ZMYM4: variants seen among roughly 807,000 people sequenced by gnomAD.
ZMYM4 encodes zinc finger MYM-type containing 4.
ZMYM4 carries 31 observed loss-of-function variants against 183.2 expected under a neutral mutation model. The ratio of observed to expected loss-of-function variants is 0.17; its 90% CI spans 0.13 to 0.23. The LOEUF is 0.23. Among genes scored for constraint, ZMYM4 ranks in the 10% least tolerant of loss-of-function variants. ZMYM4 has a pLI of 1.00. For missense variants in ZMYM4, 1,273 were observed against 1,840.3 expected (o/e 0.69, Z 5.64); for synonymous variants, 592 against 631.2 (o/e 0.94, Z 0.93).
intron 1 of ZMYM4, among the ~76,000 whole-genome samples, chr1:35,306,774 A>G (rs997625748): frequency 1.3e-5 from 2 of 152,130 alleles, no homozygotes; most frequent in African/African-American, 4.8e-5. Flanking sequence ...AAACTTTCTT[A>G]CCTTTCCCTA....
rs761108094 is a variant in ZMYM4 at position 35,358,931 on chromosome 1, G to A, written c.92G>A (p.Gly31Asp). ...CAGTATTTTACTTTTTAAGGTGGTG[G>A]TATCATGGATACAGAAATGTCTGAA... is the stretch of plus-strand genomic sequence containing the variant. ...VFDEIVENCG[G>D]IMDTEMSEDI... The change falls in exon 3 of 30, where the codon GGT (glycine) becomes GAT (aspartate). Residue 31 changes from glycine (G) to aspartate (D), a missense_variant. Coordinates refer to ENST00000314607, the MANE Select transcript of ZMYM4 (RefSeq NM_005095.3). 6.2e-7 allele frequency: 1 copy of A among 1,609,940 alleles called. No individual in the cohort carries two copies. Among genetic ancestry groups the A allele is most frequent in the African/African-American group, 1.3e-5 (1 of 74,902 alleles).
chr1:35,371,936 A>G (rs1373776219), intron 7 of ZMYM4, among the ~76,000 whole-genome samples: 1 of 152,136 alleles, frequency 6.6e-6, no homozygotes, highest in African/African-American at 2.4e-5. Context: ...TTTCTTTGGA[A>G]TCTCTATTTT....
intron 1 of ZMYM4, among the ~76,000 whole-genome samples, chr1:35,271,496 G>A (rs554274683): frequency 2.0e-5 from 3 of 152,038 alleles, no homozygotes; most frequent in African/African-American, 7.2e-5. Context: ...TCCGCCTCCC[G>A]GGTTCAATTA....
chr1:35,320,039 G>T (rs548659726), intron 1 of ZMYM4, among the ~76,000 whole-genome samples: 60 of 152,298 alleles, frequency 3.9e-4, no homozygotes, highest in Non-Finnish European at 7.6e-4. Context: ...ATATCTTTGG[G>T]CTAGTGTGAT....
At chr1:35,375,362 G>A (rs1464815247) in intron 7 of ZMYM4, among the ~76,000 whole-genome samples, 2 of 152,124 alleles carry the variant, frequency 1.3e-5, no homozygotes, top group African/African-American at 4.8e-5. Flanking sequence ...TTGTAAAATT[G>A]ATGAGTTGGA....
chr1:35,407,897 A>G (rs990480676), intron 25 of ZMYM4, 111 bp from the exon 26 acceptor site: 98 of 1,344,434 alleles, frequency 7.3e-5, no homozygotes, highest in Non-Finnish European at 1.0e-4. Flanking sequence ...TATACCCACT[A>G]GTCTGCACCG....
chr1:35,364,022 G>C (rs953035130), intron 5 of ZMYM4, among the ~76,000 whole-genome samples: 3 of 152,198 alleles, frequency 2.0e-5, no homozygotes, highest in East Asian at 3.8e-4. Context: ...AAGGTTATTA[G>C]TATTGTTGTT....
At chr1:35,293,428 C>T (rs542128558) in intron 1 of ZMYM4, among the ~76,000 whole-genome samples, 2 of 152,154 alleles carry the variant, frequency 1.3e-5, no homozygotes, top group South Asian at 4.2e-4. Flanking sequence ...ATTCTACTGC[C>T]TCTGCCTCCT....
intron 1 of ZMYM4, among the ~76,000 whole-genome samples, chr1:35,316,878 T>G (rs1316605760): frequency 6.6e-6 from 1 of 152,062 alleles, no homozygotes; most frequent in African/African-American, 2.4e-5. Context: ...TCCCAGCACT[T>G]TGGGAGGCTG....
At chr1:35,387,688 G>A in intron 13 of ZMYM4, 84 bp downstream of exon 13, 6 of 1,408,884 alleles carry the variant, frequency 4.3e-6, no homozygotes, top group Non-Finnish European at 5.8e-6. Flanking sequence ...CACTGTCTAA[G>A]TTAATCTGTT....
chr1:35,399,170 A>G (rs1644858912), intron 22 of ZMYM4, 127 bp downstream of exon 22: 2 of 996,176 alleles, frequency 2.0e-6, no homozygotes, highest in African/African-American at 3.3e-5. Flanking sequence ...AGAGGTCATA[A>G]TCTAGAGCAC....
intron 19 of ZMYM4, 168 bp from the exon 20 acceptor site, chr1:35,397,209 A>G (rs1644824425): frequency 2.9e-6 from 3 of 1,044,358 alleles, no homozygotes; most frequent in Non-Finnish European, 3.7e-6. Context: ...ATTTTATTTA[A>G]ATGGCTCTAG....
intron 7 of ZMYM4, among the ~76,000 whole-genome samples, chr1:35,372,462 G>T (rs989897355): frequency 1.3e-5 from 2 of 152,154 alleles, no homozygotes; most frequent in African/African-American, 4.8e-5. Flanking sequence ...GTACAATATG[G>T]TGACTGTAGT....
rs189357761 is a variant in ZMYM4 at position 35,317,977 on chromosome 1, G to A, written c.40-7383G>A. On this transcript the variant is annotated intron_variant, in intron 1 of 29. Coordinates refer to ENST00000314607, the MANE Select transcript of ZMYM4 (RefSeq NM_005095.3). ...TACAAATTTCACAGTAACACAACTC[G>A]TTGAGATACTCAAAAGATTCAAAGA... Among the ~76,000 whole-genome samples, 406 of 151,480 alleles carry A rather than the reference G, an allele frequency of 2.7e-3. 7 individuals carry two copies. Among genetic ancestry groups the A allele is most frequent in the Non-Finnish European group, 5.2e-4 (35 of 67,924 alleles).
intron 11 of ZMYM4, among the ~76,000 whole-genome samples, chr1:35,386,731 T>A (rs1644585975): frequency 6.6e-6 from 1 of 152,248 alleles, no homozygotes; most frequent in Non-Finnish European, 1.5e-5. Flanking sequence ...TTAATTTAAC[T>A]GCCTTCTATA....
At chr1:35,315,752 G>A (rs1270481292) in intron 1 of ZMYM4, among the ~76,000 whole-genome samples, 1 of 151,912 alleles carries the variant, frequency 6.6e-6, no homozygotes, top group African/African-American at 2.4e-5. Flanking sequence ...TGGCAACAGT[G>A]AGACCCTGTC....
chr1:35,379,778 A>G lies in ZMYM4; in HGVS notation c.1182-1481A>G, dbSNP rs574327585. Among the ~76,000 whole-genome samples, 12 of 152,284 alleles carry G rather than the reference A, an allele frequency of 7.9e-5. No individual in the cohort carries two copies. The East Asian group carries it at 2.1e-3, about 27-fold the overall frequency. On this transcript the variant is annotated intron_variant, in intron 7 of 29. Transcript: ENST00000314607. ...GGTTATTCATTGGCCTGCTTTCGAT[A>G]TTATTATGCCTCAGGGAATAGGAAA...
At chr1:35,410,438 A>G (rs905432549) in intron 26 of ZMYM4, among the ~76,000 whole-genome samples, 1 of 151,732 alleles carries the variant, frequency 6.6e-6, no homozygotes, top group African/African-American at 2.4e-5. Flanking sequence ...GGTGTAGTGT[A>G]CTTTGAATGA....
intron 9 of ZMYM4, among the ~76,000 whole-genome samples, chr1:35,382,102 A>T (rs554141068): frequency 2.1e-4 from 31 of 150,340 alleles, no homozygotes; most frequent in African/African-American, 7.3e-4. Flanking sequence ...CCAAGATCGT[A>T]CCATTGCACT....
Sources: gnomAD v4.1 joint callset for allele counts (sites outside exome capture counted in the v4.1 genomes callset) on GRCh38, gnomAD v4.1.1 for gene constraint, MANE v1.5 for transcripts, NCBI Gene and HGNC (gene_info 2026-07-23, HGNC 2026-07-21) for gene names.